Variants in ANKRD44 observed in about 807,000 individuals in gnomAD.
ANKRD44 encodes ankyrin repeat domain 44.
In ANKRD44, 35 loss-of-function variants were observed where a neutral mutation model predicts 116.0. The observed-to-expected ratio is 0.30, with a 90% confidence interval of 0.23 to 0.40. The LOEUF (loss-of-function observed/expected upper bound fraction) is 0.40, where lower values mean the gene tolerates loss of function less well. Among genes scored for constraint, ANKRD44 ranks in the 10% least tolerant of loss-of-function variants. ANKRD44 has a pLI of 1.00. For missense variants in ANKRD44, 1,014 were observed against 1,242.6 expected, an observed-to-expected ratio of 0.82 and a Z score of 2.77; for synonymous variants, 435 against 461.8, an observed-to-expected ratio of 0.94 and a Z score of 0.74.
chr2:197,282,862 G>A (rs1158990501), intron 1 of ANKRD44, among the ~76,000 whole-genome samples: 2 of 152,212 alleles, frequency 1.3e-5, no homozygotes, highest in African/African-American at 4.8e-5. Flanking sequence ...GGAGGCTGAG[G>A]CAGGAGGATC....
intron 2 of ANKRD44, among the ~76,000 whole-genome samples, chr2:197,171,996 CTTCTTTTTTTT>C (rs1305143982): frequency 6.8e-5 from 2 of 29,318 alleles, no homozygotes; most frequent in African/African-American, 1.1e-4. Flanking sequence ...CGTTATTTTT[CTTCTTTTTTTT>C]TTTTTTTTTT....
chr2:197,051,433 A>C (rs2077105462), intron 16 of ANKRD44, among the ~76,000 whole-genome samples: 2 of 150,426 alleles, frequency 1.3e-5, no homozygotes, highest in African/African-American at 4.9e-5. Flanking sequence ...TTGTTCTGTC[A>C]CCCAGGCTGG....
intron 1 of ANKRD44, among the ~76,000 whole-genome samples, chr2:197,231,022 C>A (rs1251841437): frequency 1.3e-5 from 2 of 152,152 alleles, no homozygotes; most frequent in Non-Finnish European, 2.9e-5. Flanking sequence ...GGAAAGACAG[C>A]ATTATTTCTG....
chr2:197,126,002 A>G lies in ANKRD44; in HGVS notation c.297T>C (p.Asp99=). 6.2e-7 allele frequency: 1 copy of G among 1,614,214 alleles called. No homozygotes were observed. The change falls in exon 5 of 28, where the codon GAT becomes GAC. Residue 99 remains aspartate (D), a synonymous_variant. Transcript: ENST00000282272. ...GCCAGTTCTTGTCCCTTGCATTGAC[A>G]TCAGCTGAGTGCTTAATCAAAACCT... is the stretch of plus-strand genomic sequence containing the variant. The part of the protein sequence containing the change: ...AVQVLIKHSA[D]VNARDKNWQT...
At chr2:197,064,833 G>C (rs2077395902) in intron 16 of ANKRD44, among the ~76,000 whole-genome samples, 1 of 152,138 alleles carries the variant, frequency 6.6e-6, no homozygotes, top group Non-Finnish European at 1.5e-5. Flanking sequence ...AAGAGACTTA[G>C]ACTCCCACAC....
intron 16 of ANKRD44, among the ~76,000 whole-genome samples, chr2:197,048,895 T>A (rs531507093): frequency 1.3e-5 from 2 of 152,358 alleles, no homozygotes; most frequent in South Asian, 4.1e-4. Flanking sequence ...AGTGGGATGG[T>A]ATCTCATTGT....
At chr2:197,185,954 A>G (rs991209977) in intron 2 of ANKRD44, among the ~76,000 whole-genome samples, 6 of 152,152 alleles carry the variant, frequency 3.9e-5, no homozygotes, top group African/African-American at 7.2e-5. Flanking sequence ...CAACTACCCA[A>G]TTCTGCTGTT....
At chr2:197,018,376 T>C (rs1437076925) in intron 17 of ANKRD44, among the ~76,000 whole-genome samples, 2 of 152,168 alleles carry the variant, frequency 1.3e-5, no homozygotes, top group Non-Finnish European at 2.9e-5. Context: ...AGCCTCCCTC[T>C]ATAGTTAAAT....
In ANKRD44 at chr2:197,001,734, T is replaced by C; in HGVS notation, c.2435+19A>G. 1 of 1,570,684 alleles carries C rather than the reference T, an allele frequency of 6.4e-7. No individual in the cohort carries two copies. The highest frequency in any genetic ancestry group is 8.7e-7 in the Non-Finnish European group (1 of 1,149,626). The stretch of plus-strand genomic sequence containing the variant: ...AAATCATTAAAGCAACATCATTAAC[T>C]CTCAGCGTTTCTACTTACATTGCAC... On this transcript the variant is annotated intron_variant, in intron 22 of 27. Coordinates refer to ENST00000282272, the MANE Select transcript of ANKRD44 (RefSeq NM_001195144.2).
chr2:197,141,247 T>C (rs973208062), intron 3 of ANKRD44, among the ~76,000 whole-genome samples: 4 of 151,978 alleles, frequency 2.6e-5, no homozygotes, highest in South Asian at 2.1e-4. Context: ...ACAAATCTGA[T>C]TGAAAAAAAG....
intron 4 of ANKRD44, among the ~76,000 whole-genome samples, chr2:197,127,076 A>C (rs1241465194): frequency 6.6e-6 from 1 of 152,206 alleles, no homozygotes; most frequent in Non-Finnish European, 1.5e-5. Flanking sequence ...CCTAAGGTTC[A>C]TCTGAGCTGA....
intron 1 of ANKRD44, among the ~76,000 whole-genome samples, chr2:197,202,269 C>G (rs2081108979): frequency 1.3e-5 from 2 of 152,146 alleles, no homozygotes; most frequent in South Asian, 4.1e-4. Context: ...CTGGTCTACC[C>G]TTGATCAGTA....
At chr2:197,134,613 C>T (rs1255375092) in intron 4 of ANKRD44, 1 of 152,168 alleles carries the variant, frequency 6.6e-6, no homozygotes, top group Non-Finnish European at 1.5e-5. Flanking sequence ...GGAAAGGTCA[C>T]AGAGTAATGA....
chr2:196,974,820 G>A lies in ANKRD44; in HGVS notation c.2369-7374C>T, dbSNP rs146738254. Among the ~76,000 whole-genome samples the A allele has an allele frequency of 3.4e-3, 514 of 151,948 alleles. 1 individual carries two copies. The highest frequency in any genetic ancestry group is 0.011 in the African/African-American group (470 of 41,450). On this transcript the variant is annotated intron_variant, in intron 21 of 21. Coordinates refer to the ANKRD44 transcript ENST00000424317. ...CAGGAGAATCTCTTAAATCCAGGAG[G>A]CAGAGGTTGCAGTGAGCTGAGGTCA...
At chr2:196,982,406 C>CAAGGAAG, downstream of ANKRD44, among the ~76,000 whole-genome samples, 2 of 152,188 alleles carry the variant, frequency 1.3e-5, no homozygotes, top group Non-Finnish European at 1.5e-5. Context: ...CAGGCTGTTT[C>CAAGGAAG]CTTGGAGTAA....
At chr2:197,143,743 C>G (rs1167249211) in intron 3 of ANKRD44, among the ~76,000 whole-genome samples, 1 of 152,074 alleles carries the variant, frequency 6.6e-6, no homozygotes, top group Non-Finnish European at 1.5e-5. Context: ...GATTCTCCTG[C>G]CTCAGCCTCC....
chr2:197,052,531 T>C (rs902093870), intron 16 of ANKRD44, among the ~76,000 whole-genome samples: 2 of 151,906 alleles, frequency 1.3e-5, no homozygotes, highest in Admixed American at 6.6e-5. Flanking sequence ...TAGAGAAAAT[T>C]AGGCAATGTT....
intron 21 of ANKRD44, among the ~76,000 whole-genome samples, chr2:196,979,199 A>G (rs2125863631): frequency 6.6e-6 from 1 of 152,058 alleles, no homozygotes; most frequent in Non-Finnish European, 1.5e-5. Flanking sequence ...GATTGAGACC[A>G]TCCTGGCTAA....
chr2:197,231,736 G>A (rs2081868856), intron 1 of ANKRD44, among the ~76,000 whole-genome samples: 1 of 151,862 alleles, frequency 6.6e-6, no homozygotes, highest in Non-Finnish European at 1.5e-5. Flanking sequence ...AATGTCAGCA[G>A]TGCCAAGGCT....
Sources: allele counts gnomAD v4.1 joint callset (sites outside exome capture counted in the v4.1 genomes callset), GRCh38; gene constraint gnomAD v4.1.1; transcripts MANE v1.5; gene names NCBI Gene and HGNC (gene_info 2026-07-23, HGNC 2026-07-21).